The following FIRRM variants were observed in gnomAD, a reference collection of about 807,000 sequenced individuals.
FIRRM encodes FIGNL1 interacting regulator of recombination and mitosis.
chr1:169,837,334 C>T, the FIRRM span, among the ~76,000 whole-genome samples: 8 of 152,104 alleles, frequency 5.3e-5, no homozygotes, highest in African/African-American at 1.7e-4. Flanking sequence ...TTTCCTATGT[C>T]GCTTAAGGTA....
At chr1:169,850,855 G>C in the FIRRM span, 3 of 152,660 alleles carry the variant, frequency 2.0e-5, no homozygotes, top group Non-Finnish European at 4.4e-5. Flanking sequence ...TGATTATCCA[G>C]GCAGTGAGAT....
chr1:169,809,122 G>C, the FIRRM span, among the ~76,000 whole-genome samples: 2 of 152,138 alleles, frequency 1.3e-5, no homozygotes, highest in Non-Finnish European at 2.9e-5. Flanking sequence ...ACAGACCCTA[G>C]GGGAGGGTGG....
At chr1:169,814,717 G>A in the FIRRM span, among the ~76,000 whole-genome samples, 2 of 152,196 alleles carry the variant, frequency 1.3e-5, no homozygotes, top group Non-Finnish European at 2.9e-5. Context: ...GATTCTTCTT[G>A]TAAATAGACA....
At chr1:169,826,426 A>C in the FIRRM span, among the ~76,000 whole-genome samples, 1 of 143,390 alleles carries the variant, frequency 7.0e-6, no homozygotes, top group Non-Finnish European at 1.5e-5. Flanking sequence ...GCAGTGGCGC[A>C]GTCTTGGCTC....
the FIRRM span, among the ~76,000 whole-genome samples, chr1:169,833,676 G>A: frequency 1.3e-5 from 2 of 152,022 alleles, no homozygotes; most frequent in African/African-American, 2.4e-5. Context: ...AGGAACCAGA[G>A]GTACTACACC....
At chr1:169,802,465 G>T in the FIRRM span, among the ~76,000 whole-genome samples, 2 of 152,116 alleles carry the variant, frequency 1.3e-5, no homozygotes, top group Admixed American at 6.5e-5. Flanking sequence ...TCTGTATTTT[G>T]TGCTTAATTA....
the FIRRM span, among the ~76,000 whole-genome samples, chr1:169,794,404 G>A: frequency 2.0e-5 from 3 of 152,168 alleles, no homozygotes; most frequent in African/African-American, 7.2e-5. Context: ...GTCGAGAACA[G>A]CAGCCCTAAG....
the FIRRM span, chr1:169,802,832 T>C: frequency 1.6e-6 from 1 of 645,116 alleles, no homozygotes. Context: ...GGCCTAATGT[T>C]GGAATTAAAT....
At chr1:169,807,412 G>C in the FIRRM span, among the ~76,000 whole-genome samples, 14 of 152,150 alleles carry the variant, frequency 9.2e-5, no homozygotes, top group African/African-American at 3.1e-4. Flanking sequence ...CTTAGACTCT[G>C]TCATTTGACA....
the FIRRM span, chr1:169,852,001 A>G: frequency 1.3e-5 from 21 of 1,608,560 alleles, no homozygotes; most frequent in Non-Finnish European, 1.8e-5. Context: ...TTACTTACTG[A>G]CGAAACAAAC....
chr1:169,853,564 C>G, the FIRRM span: 1 of 774,802 alleles, frequency 1.3e-6, no homozygotes, highest in Non-Finnish European at 2.1e-6. Context: ...CAGTCTCCTA[C>G]TTCAGTTGGC....
the FIRRM span, chr1:169,804,223 T>G: frequency 1.2e-5 from 19 of 1,561,150 alleles, no homozygotes; most frequent in Non-Finnish European, 1.6e-5. Context: ...AATGATGATA[T>G]TTTGAATATG....
chr1:169,801,077 CAAAATA>C, the FIRRM span: 1 of 581,522 alleles, frequency 1.7e-6, no homozygotes, highest in African/African-American at 2.0e-5. Flanking sequence ...CAAATATATT[CAAAATA>C]AAAATAAGGA....
At chr1:169,817,900 A>G in the FIRRM span, among the ~76,000 whole-genome samples, 2 of 152,130 alleles carry the variant, frequency 1.3e-5, no homozygotes, top group African/African-American at 2.4e-5. Context: ...TGTTCAATTT[A>G]TGGAAAAACT....
At chr1:169,826,760 A>T in the FIRRM span, among the ~76,000 whole-genome samples, 1 of 152,188 alleles carries the variant, frequency 6.6e-6, no homozygotes, top group Non-Finnish European at 1.5e-5. Context: ...TTTTTATAGT[A>T]TTTTTAAGGA....
the FIRRM span, among the ~76,000 whole-genome samples, chr1:169,798,387 C>T: frequency 4.6e-5 from 7 of 151,918 alleles, no homozygotes; most frequent in African/African-American, 1.5e-4. Flanking sequence ...CCTGCCTCAG[C>T]CTCCTGAGCA....
the FIRRM span, chr1:169,852,865 G>C: frequency 2.5e-6 from 4 of 1,614,128 alleles, no homozygotes; most frequent in South Asian, 3.3e-5. Context: ...AATAGCAGGG[G>C]CTTTGGAAGC....
the FIRRM span, among the ~76,000 whole-genome samples, chr1:169,791,769 C>T: frequency 6.6e-6 from 1 of 152,200 alleles, no homozygotes; most frequent in African/African-American, 2.4e-5. Flanking sequence ...ATTTTAGCTA[C>T]TTCCAAGAGA....
At chr1:169,810,892 G>C in the FIRRM span, among the ~76,000 whole-genome samples, 1 of 108,476 alleles carries the variant, frequency 9.2e-6, no homozygotes, top group East Asian at 3.1e-4. Context: ...TCGCTCTGTC[G>C]CCCAGGCCGG....
Sources: allele counts gnomAD v4.1 joint callset (sites outside exome capture counted in the v4.1 genomes callset), GRCh38; gene constraint gnomAD v4.1.1; transcripts MANE v1.5; gene names NCBI Gene and HGNC (gene_info 2026-07-23, HGNC 2026-07-21).